COL24A1: variants seen among roughly 807,000 people sequenced by gnomAD.
The protein encoded by COL24A1 is collagen alpha-1(XXIV) chain.
COL24A1 carries 224 observed loss-of-function variants against 253.9 expected under a neutral mutation model. The observed-to-expected ratio is 0.88, with a 90% CI of 0.79 to 0.99. The LOEUF (loss-of-function observed/expected upper bound fraction) is 0.99, where lower values mean the gene tolerates loss of function less well. COL24A1 is among the 50% of genes least tolerant of loss of function. COL24A1 has a pLI of 0.00. For synonymous variants in COL24A1, 685 were observed against 673.7 expected (o/e 1.02, Z -0.26); for missense variants, 2,131 against 2,068.5 (o/e 1.03, Z -0.59).
chr1:85,776,829 T>C (rs1031463675), intron 52 of COL24A1, among the ~76,000 whole-genome samples: 1 of 152,128 alleles, frequency 6.6e-6, no homozygotes, highest in Non-Finnish European at 1.5e-5. Flanking sequence ...CTTTGTTAAT[T>C]TGCAAGCTAA....
intron 10 of COL24A1, 80 bp from the exon 11 acceptor site, chr1:86,050,257 A>G (rs1343393803): frequency 1.6e-6 from 2 of 1,237,572 alleles, no homozygotes; most frequent in African/African-American, 1.5e-5. Context: ...AGTACTTAAA[A>G]TTTTATTTGT....
intron 43 of COL24A1, among the ~76,000 whole-genome samples, chr1:85,830,996 C>T (rs1476542913): frequency 6.6e-6 from 1 of 152,084 alleles, no homozygotes; most frequent in African/African-American, 2.4e-5. Context: ...TCTTTGTTTG[C>T]ATTCTGAGGC....
chr1:85,927,240 G>A (rs28415684), intron 24 of COL24A1, among the ~76,000 whole-genome samples: 30,113 of 152,212 alleles, frequency 0.2, 3,345 homozygotes, highest in Non-Finnish European at 0.24. Flanking sequence ...TGCGCGAGCC[G>A]AAGCAGGGCA....
chr1:85,802,083 G>C (rs1453818930), intron 47 of COL24A1, among the ~76,000 whole-genome samples: 1 of 152,184 alleles, frequency 6.6e-6, no homozygotes, highest in Admixed American at 6.5e-5. Flanking sequence ...ATAGCCTGGA[G>C]TACTGCAAAA....
chr1:85,737,578 TGAGA>T lies in COL24A1; in HGVS notation c.4673-77_4673-74del, dbSNP rs759413827. 12 of 1,010,726 alleles carry T rather than the reference TGAGA, an allele frequency of 1.2e-5. No homozygotes were observed. The Admixed American group carries it at 2.4e-4, about 20-fold the overall frequency. 62.6% of individuals were successfully genotyped at this position (1,010,726 alleles called of 1,614,324 possible). A position where few individuals can be genotyped will look rare whatever the true frequency, so the allele number is the denominator to read the frequency against. ...ATCCTTATAATTTCTTTTTTTTTTT[TGAGA>T]GAGAGAGTCTCATTCTGTTAGCCCA... On this transcript the variant is annotated intron_variant, in intron 57 of 59. Transcript: ENST00000370571.
At chr1:86,135,599 G>T (rs1262706352) in intron 2 of COL24A1, among the ~76,000 whole-genome samples, 4 of 151,424 alleles carry the variant, frequency 2.6e-5, no homozygotes, top group Admixed American at 2.0e-4. Flanking sequence ...ACTTCCCTTT[G>T]TGCTCCTTCC....
chr1:85,900,808 G>A (rs559636968), intron 28 of COL24A1, among the ~76,000 whole-genome samples: 1 of 152,238 alleles, frequency 6.6e-6, no homozygotes, highest in South Asian at 2.1e-4. Context: ...AGCACACAAT[G>A]GGGAATGGAT....
chr1:85,784,964 CA>C (rs1161927542), intron 48 of COL24A1, among the ~76,000 whole-genome samples: 1 of 152,098 alleles, frequency 6.6e-6, no homozygotes, highest in Non-Finnish European at 1.5e-5. Flanking sequence ...CTACTAGCCT[CA>C]AGTGATCCTC....
chr1:86,031,945 T>C (rs909615711), intron 13 of COL24A1, 23 bp from the exon 14 acceptor site: 1 of 1,598,918 alleles, frequency 6.3e-7, no homozygotes, highest in South Asian at 1.1e-5. Flanking sequence ...AAATTTGCAA[T>C]ACTTATTAAA....
rs760520172 is a variant in COL24A1 at position 85,970,271 on chromosome 1, C to T, written c.2419G>A (p.Gly807Arg). ...AAGGCTCCAATTGGTCCTTCTTCTC[C>T]CTTAAAAAAAAAAAAAGTCAGAACA... ...PGPPGLKGTQGEEGPIGAFGE... is the reference protein window; with the variant it reads ...PGPPGLKGTQREEGPIGAFGE... The change falls in exon 22 of 60, where the codon GGA (glycine) becomes AGA (arginine). Residue 807 changes from glycine to arginine, a missense_variant and splice_region_variant. Transcript: ENST00000370571. 6.3e-7 allele frequency: 1 copy of T among 1,585,490 alleles called. No individual in the cohort carries two copies. The highest frequency in any genetic ancestry group is 1.8e-5 in the Admixed American group (1 of 55,228).
At chr1:85,871,708 G>A (rs1680516234) in intron 35 of COL24A1, among the ~76,000 whole-genome samples, 1 of 152,022 alleles carries the variant, frequency 6.6e-6, no homozygotes, top group Non-Finnish European at 1.5e-5. Context: ...AAAATAATAA[G>A]AGCTATTTAT....
At chr1:86,096,955 C>T (rs1703930827) in intron 5 of COL24A1, among the ~76,000 whole-genome samples, 1 of 152,064 alleles carries the variant, frequency 6.6e-6, no homozygotes, top group Non-Finnish European at 1.5e-5. Flanking sequence ...AGTCTACTAC[C>T]TCAACCTAAC....
intron 47 of COL24A1, among the ~76,000 whole-genome samples, chr1:85,798,626 C>G (rs1417694890): frequency 6.6e-6 from 1 of 152,200 alleles, no homozygotes; most frequent in East Asian, 1.9e-4. Context: ...CTAATAGAAG[C>G]TTCGATGGTG....
At chr1:86,143,113 A>G (rs1006370730) in intron 2 of COL24A1, among the ~76,000 whole-genome samples, 8 of 152,160 alleles carry the variant, frequency 5.3e-5, no homozygotes, top group Admixed American at 2.0e-4. Flanking sequence ...GGAATGTTGT[A>G]AAAAATGCAC....
At chr1:86,037,494 G>A (rs184232082) in intron 12 of COL24A1, among the ~76,000 whole-genome samples, 76 of 152,306 alleles carry the variant, frequency 5.0e-4, no homozygotes, top group African/African-American at 1.7e-3. Flanking sequence ...TAGGACCTGA[G>A]AGTGGCCCAT....
chr1:85,830,536 C>A (rs1416826819), intron 43 of COL24A1, among the ~76,000 whole-genome samples: 1 of 152,162 alleles, frequency 6.6e-6, no homozygotes, highest in African/African-American at 2.4e-5. Flanking sequence ...TGCCGCCTTG[C>A]AGTTTGATCT....
rs1169831426 is a variant in COL24A1 at position 86,022,937 on chromosome 1, T to C, written c.2103+17A>G. On this transcript the variant is annotated intron_variant, in intron 15 of 59. Transcript: ENST00000370571. The stretch of plus-strand genomic sequence containing the variant: ...ACAGATTAAAGGGAAATATCCATTA[T>C]ACAAATAGAACCATACCATTGGGCC... 1.2e-6 allele frequency: 2 copies of C among 1,613,102 alleles called. No homozygotes were observed. Among genetic ancestry groups the C allele is most frequent in the African/African-American group, 1.3e-5 (1 of 75,020 alleles).
rs1191721535 is a variant in COL24A1, at chr1:85,745,637, CT to C, written c.4438-132del. 8.5e-6 allele frequency: 5 copies of C among 590,218 alleles called. No homozygotes were observed. In the East Asian group the frequency reaches 1.6e-4, roughly 19 times the overall value. The allele number at this position is 590,218 out of a possible 1,614,324, so 36.6% of individuals were successfully genotyped here. Reference sequence around the variant, plus strand: ...TATTATCTGAAGGGGTTCTGTAACTCTTACGGTTAGACAGATTTTGCAAATA... The same window carrying C: ...TATTATCTGAAGGGGTTCTGTAACTCTACGGTTAGACAGATTTTGCAAATA... On this transcript the variant is annotated intron_variant, in intron 55 of 59. Transcript: ENST00000370571.
At chr1:85,959,671 A>G (rs1690821085) in intron 24 of COL24A1, among the ~76,000 whole-genome samples, 1 of 152,134 alleles carries the variant, frequency 6.6e-6, no homozygotes, top group Non-Finnish European at 1.5e-5. Flanking sequence ...TGTTCAATAA[A>G]TGTTATTTTC....
Sources: gnomAD v4.1 joint callset for allele counts (sites outside exome capture counted in the v4.1 genomes callset) on GRCh38, gnomAD v4.1.1 for gene constraint, MANE v1.5 for transcripts, NCBI Gene and HGNC (gene_info 2026-07-23, HGNC 2026-07-21) for gene names.